The following USP6 variants were observed in gnomAD, a reference collection of about 807,000 sequenced individuals.
The protein encoded by USP6 is ubiquitin carboxyl-terminal hydrolase 6.
USP6 carries 128 observed loss-of-function variants against 175.7 expected under a neutral mutation model. That is an observed-to-expected ratio of 0.73 (90% CI 0.63 to 0.84). The LOEUF is 0.84. Among genes scored for constraint, USP6 ranks in the 40% least tolerant of loss-of-function variants. The probability of loss-of-function intolerance (pLI) is 0.00; values close to 1 mark genes in which losing one functional copy is unlikely to be tolerated. For missense variants in USP6, 1,498 were observed against 1,760.3 expected (o/e 0.85, Z 2.67); for synonymous variants, 562 against 630.6 (o/e 0.89, Z 1.63).
chr17:5,137,725 C>T lies in USP6; in HGVS notation c.900C>T (p.Thr300=), dbSNP rs1320139763. The T allele has an allele frequency of 6.2e-7, 1 of 1,608,856 alleles. No homozygotes were observed. The highest frequency in any genetic ancestry group is 1.1e-5 in the South Asian group (1 of 91,054). ...GAGAACAGGTGTTGATGCCAATAAC[C>T]AGCATTGCTCTTAAGGTTCAGCAGA... ...VEGEQVLMPI[T]SIALKVQQKR... is the part of the protein sequence containing the mutation. The change falls in exon 20 of 38, where the codon ACC becomes ACT. Residue 300 remains threonine, a synonymous_variant. Transcript: ENST00000574788.
intron 14 of USP6, 133 bp downstream of exon 14, chr17:5,133,683 A>G (rs1234995359): frequency 4.2e-6 from 5 of 1,181,132 alleles, no homozygotes; most frequent in Non-Finnish European, 6.2e-6. Context: ...CTGGGCATGG[A>G]CGGTGACACA....
rs1270333183 is a variant in USP6 at position 5,133,621 on chromosome 17, G to T, written c.384+71G>T. The T allele has an allele frequency of 4.9e-6, 5 of 1,028,078 alleles. 1 individual carries two copies. In the East Asian group the frequency reaches 1.7e-4, roughly 34 times the overall value. 63.7% of individuals were successfully genotyped at this position (1,028,078 alleles called of 1,614,324 possible). On this transcript the variant is annotated intron_variant, in intron 14 of 37. Coordinates refer to ENST00000574788, the MANE Select transcript of USP6 (RefSeq NM_001304284.2). ...GCCCAGGTCTCCAGCTGGAGGGAACGTCAAGCCCACCCTGGGGTGGGGGGG... is the reference window on the plus strand; with the variant it reads ...GCCCAGGTCTCCAGCTGGAGGGAACTTCAAGCCCACCCTGGGGTGGGGGGG...
Position 5,146,019 on chromosome 17 carries a change from C to G in USP6, c.2168-4C>G, listed in dbSNP as rs779701659. On this transcript the variant is annotated splice_polypyrimidine_tract_variant and splice_region_variant and intron_variant, in intron 27 of 37. Coordinates refer to ENST00000574788, the MANE Select transcript of USP6 (RefSeq NM_001304284.2). The stretch of plus-strand genomic sequence containing the variant: ...ACTGATAAAAGATCTTTTCTCTTTA[C>G]TAGTGATTAAGTTAGATGGTACTAC... The G allele has an allele frequency of 6.4e-7, 1 of 1,574,024 alleles. No homozygotes were observed. The highest frequency in any genetic ancestry group is 1.4e-5 in the African/African-American group (1 of 73,370).
Position 5,132,577 on chromosome 17 carries a change from C to A in USP6, c.195+142C>A. 6.7e-7 allele frequency: 1 copy of A among 1,492,222 alleles called. No individual in the cohort carries two copies. The highest frequency in any genetic ancestry group is 9.3e-7 in the Non-Finnish European group (1 of 1,071,788). 92.4% of individuals were successfully genotyped at this position (1,492,222 alleles called of 1,614,324 possible). A position where few individuals can be genotyped will look rare whatever the true frequency, so the allele number is the denominator to read the frequency against. The stretch of plus-strand genomic sequence containing the variant: ...CTGGGAGGGGCAGCAGAGACCTGAC[C>A]CCAAGTTGCTGTAACTTTGGCAGTT... On this transcript the variant is annotated intron_variant, in intron 12 of 37. Coordinates refer to ENST00000574788, the MANE Select transcript of USP6 (RefSeq NM_001304284.2). This position sits in a 1 kb window ranked among gnomAD's most constrained non-coding sequence, Gnocchi z 4.7.
At position 5,155,588 on chromosome 17, in the gene USP6, G is replaced by C. The variant is rs1189808412; in HGVS notation, c.2810G>C (p.Ser937Thr). ...AGACCACTCCCACCTCAGGAAGCTA[G>C]TATTCATGCCCAGGATCGGTGAGTT... Reference protein sequence around the residue: ...LARPLPPQEASIHAQDRDNCM... With the variant: ...LARPLPPQEATIHAQDRDNCM... The change falls in exon 31 of 38, where the codon AGT (serine) becomes ACT (threonine). Residue 937 changes from serine (S) to threonine (T), a missense_variant. This residue lies in a region of USP6 where 1,217 missense variants were observed against 1,500.8 expected (regional missense o/e 0.81). Transcript: ENST00000574788. 6.2e-7 allele frequency: 1 copy of C among 1,614,024 alleles called. No individual in the cohort carries two copies. The highest frequency in any genetic ancestry group is 1.7e-5 in the Admixed American group (1 of 59,994).
At position 5,144,814 on chromosome 17, in the gene USP6, T is replaced by C; in HGVS notation, c.1943T>C (p.Val648Ala). The change falls in exon 26 of 38, where the codon GTG (valine) becomes GCG (alanine). Residue 648 changes from valine (V) to alanine (A), a missense_variant. This residue lies in a region of USP6 where 1,217 missense variants were observed against 1,500.8 expected (regional missense o/e 0.81). Transcript: ENST00000574788. ...DLNRVHEKPY[V>A]ELKDSDGRPD... Reference sequence around the variant, plus strand: ...AACCGAGTCCATGAAAAGCCATATGTGGAACTGAAGGACAGTGATGGCCGA... The same window carrying C: ...AACCGAGTCCATGAAAAGCCATATGCGGAACTGAAGGACAGTGATGGCCGA... 1.9e-6 allele frequency: 3 copies of C among 1,613,222 alleles called. No individual in the cohort carries two copies. The highest frequency in any genetic ancestry group is 2.5e-6 in the Non-Finnish European group (3 of 1,179,286).
chr17:5,146,083 A>G lies in USP6; in HGVS notation c.2228A>G (p.Lys743Arg). 1 of 1,613,308 alleles carries G rather than the reference A, an allele frequency of 6.2e-7. No homozygotes were observed. Among genetic ancestry groups the G allele is most frequent in the Non-Finnish European group, 8.5e-7 (1 of 1,179,466 alleles). ...GGACTAAGACTGAATATGGATGAAA[A>G]GTACACAGGTTTAAAAAAACAGCTG... ...RYGLRLNMDEKYTGLKKQLRD... is the reference protein window; with the variant it reads ...RYGLRLNMDERYTGLKKQLRD... The change falls in exon 28 of 38, where the codon AAG becomes AGG. Residue 743 changes from lysine to arginine, a missense_variant. By Grantham distance (26) the Lys-to-Arg change is conservative. Transcript: ENST00000574788.
intron 22 of USP6, among the ~76,000 whole-genome samples, chr17:5,140,228 A>T (rs1270324847): frequency 6.6e-6 from 1 of 152,206 alleles, no homozygotes; most frequent in Non-Finnish European, 1.5e-5. Flanking sequence ...TACACCTTCC[A>T]TCCAGCTGCC....
Position 5,170,960 on chromosome 17 carries a change from G to A in USP6, c.3954+45G>A, listed in dbSNP as rs1297028597. ...GTTTTCAGAGAGTGGTCTGTGTTTT[G>A]TTCACTTGTCTTCATGTATTCATCA... On this transcript the variant is annotated intron_variant, in intron 36 of 37. Coordinates refer to ENST00000574788, the MANE Select transcript of USP6 (RefSeq NM_001304284.2). 9 of 1,592,460 alleles carry A rather than the reference G, an allele frequency of 5.7e-6. No individual in the cohort carries two copies. In the South Asian group the frequency reaches 9.0e-5, roughly 16 times the overall value.
chr17:5,136,451 C>T (rs549904800), intron 17 of USP6, among the ~76,000 whole-genome samples, 189 bp from the exon 18 acceptor site: 21 of 152,372 alleles, frequency 1.4e-4, no homozygotes. Context: ...CCAGGGGAAC[C>T]TCCAGCCAGG....
At chr17:5,131,375 G>A (rs1597990647) in intron 11 of USP6, among the ~76,000 whole-genome samples, 1 of 151,236 alleles carries the variant, frequency 6.6e-6, no homozygotes, top group Admixed American at 6.6e-5. Context: ...GAGAGACAGC[G>A]GATGCCGGGC....
At chr17:5,138,924 A>G (rs1460130679) in intron 21 of USP6, 5 of 1,207,630 alleles carry the variant, frequency 4.1e-6, no homozygotes, top group African/African-American at 1.5e-5. Flanking sequence ...GCTGGGTGAC[A>G]TCCAAGGCCC....
At chr17:5,122,788 A>T (rs2072730998) in intron 4 of USP6, among the ~76,000 whole-genome samples, 1 of 152,158 alleles carries the variant, frequency 6.6e-6, no homozygotes, top group African/African-American at 2.4e-5. Context: ...CGGTAGGGCG[A>T]GGGGTCGGGG....
chr17:5,133,306 G>C, intron 13 of USP6, 137 bp from the exon 14 acceptor site: 1 of 1,011,784 alleles, frequency 9.9e-7, no homozygotes, highest in South Asian at 1.5e-5. Flanking sequence ...CCTGGGAAGG[G>C]AGACCCTGTC....
intron 33 of USP6, among the ~76,000 whole-genome samples, chr17:5,164,973 G>A (rs1209887072): frequency 6.6e-6 from 1 of 152,152 alleles, no homozygotes; most frequent in Admixed American, 6.5e-5. Context: ...TTAGAGGAAT[G>A]GTTAAATAAA....
intron 33 of USP6, among the ~76,000 whole-genome samples, chr17:5,167,695 G>A (rs1245408501): frequency 6.6e-6 from 1 of 152,050 alleles, no homozygotes; most frequent in African/African-American, 2.4e-5. Flanking sequence ...CTGAGACAGG[G>A]TCTCACTCTG....
rs138189555 is a variant in USP6 at position 5,139,638 on chromosome 17, C to G, written c.1462C>G (p.Leu488Val). 6.2e-7 allele frequency: 1 copy of G among 1,612,398 alleles called. No individual in the cohort carries two copies. The highest frequency in any genetic ancestry group is 8.5e-7 in the Non-Finnish European group (1 of 1,180,010). ...WVRAISQEDQLATCWQAEHCG... is the reference protein window; with the variant it reads ...WVRAISQEDQVATCWQAEHCG... Reference sequence around the variant, plus strand: ...CCGTGCCATATCCCAGGAGGACCAGCTGGCCACCTGCTGGCAGGCTGAACA... The same window carrying G: ...CCGTGCCATATCCCAGGAGGACCAGGTGGCCACCTGCTGGCAGGCTGAACA... Residue 488 changes from leucine (L) to valine (V), a missense_variant, in exon 22 of 38, where the codon CTG (leucine) becomes GTG (valine). Physicochemically the swap from Leu to Val is conservative, Grantham distance 32. Transcript: ENST00000574788.
At chr17:5,166,242 C>T (rs1303130530) in intron 33 of USP6, among the ~76,000 whole-genome samples, 1 of 152,096 alleles carries the variant, frequency 6.6e-6, no homozygotes, top group Non-Finnish European at 1.5e-5. Flanking sequence ...AGCCAGATTT[C>T]CTTTTCTAAA....
At chr17:5,126,573 T>C (rs2072900977) in intron 6 of USP6, among the ~76,000 whole-genome samples, 1 of 152,190 alleles carries the variant, frequency 6.6e-6, no homozygotes, top group South Asian at 2.1e-4. Context: ...TCTGTCTCTT[T>C]GCGTTTTGTG....
Sources: gnomAD v4.1 joint callset for allele counts (sites outside exome capture counted in the v4.1 genomes callset) on GRCh38, gnomAD v4.1.1 for gene constraint, gnomAD v4.1.1 regional missense constraint, Gnocchi (gnomAD v3.1) non-coding constraint, MANE v1.5 for transcripts, NCBI Gene and HGNC (gene_info 2026-07-23, HGNC 2026-07-21) for gene names.